PTPRD: variants seen among roughly 807,000 people sequenced by gnomAD.
The protein encoded by PTPRD is receptor-type tyrosine-protein phosphatase delta.
In PTPRD, 34 loss-of-function variants were observed where a neutral mutation model predicts 214.5. The observed-to-expected ratio is 0.16, with a 90% CI of 0.12 to 0.21. The LOEUF is 0.21. Among genes scored for constraint, PTPRD ranks in the 10% least tolerant of loss-of-function variants. PTPRD has a pLI of 1.00. For missense variants in PTPRD, 2,545 were observed against 2,398.7 expected (o/e 1.06, Z -1.27); for synonymous variants, 1,128 against 845.7 (o/e 1.33, Z -5.79).
At chr9:10,134,581 G>A (rs938117573) in intron 3 of PTPRD, among the ~76,000 whole-genome samples, 3 of 151,916 alleles carry the variant, frequency 2.0e-5, no homozygotes, top group Non-Finnish European at 4.4e-5. Context: ...ATCCAATGCA[G>A]GAATCTAACC....
chr9:10,329,847 A>G (rs2096717155), intron 3 of PTPRD, among the ~76,000 whole-genome samples: 1 of 151,830 alleles, frequency 6.6e-6, no homozygotes, highest in Non-Finnish European at 1.5e-5. Context: ...TTAAAATTGC[A>G]TAACCATTTT....
At chr9:9,707,927 C>T (rs1030694309) in intron 7 of PTPRD, among the ~76,000 whole-genome samples, 3 of 151,886 alleles carry the variant, frequency 2.0e-5, no homozygotes, top group Non-Finnish European at 4.4e-5. Context: ...TAACTTTTTA[C>T]TTCTCATAGA....
At chr9:9,572,815 G>A (rs183510935) in intron 8 of PTPRD, among the ~76,000 whole-genome samples, 2 of 151,364 alleles carry the variant, frequency 1.3e-5, no homozygotes, top group East Asian at 3.9e-4. Context: ...ATGTTTGATA[G>A]CATTAATATT....
intron 4 of PTPRD, among the ~76,000 whole-genome samples, chr9:9,981,500 G>A (rs1286237099): frequency 6.6e-6 from 1 of 151,412 alleles, no homozygotes; most frequent in African/African-American, 2.4e-5. Flanking sequence ...GACTACAGGT[G>A]CCCGCCACCA....
At chr9:8,672,865 T>C (rs1565170197) in intron 12 of PTPRD, among the ~76,000 whole-genome samples, 1 of 146,906 alleles carries the variant, frequency 6.8e-6, no homozygotes, top group Non-Finnish European at 1.5e-5. Flanking sequence ...TGGGTGGGTA[T>C]GTGGGGGTGT....
chr9:10,187,185 T>G (rs901902162), intron 3 of PTPRD, among the ~76,000 whole-genome samples: 2 of 151,864 alleles, frequency 1.3e-5, no homozygotes, highest in African/African-American at 4.8e-5. Flanking sequence ...AAATGCTGTG[T>G]TTTTTTTAAC....
chr9:9,617,254 A>G (rs2094928838), intron 7 of PTPRD, among the ~76,000 whole-genome samples: 1 of 152,218 alleles, frequency 6.6e-6, no homozygotes, highest in South Asian at 2.1e-4. Context: ...AAGGAGAATT[A>G]GACTCCTCGT....
intron 12 of PTPRD, among the ~76,000 whole-genome samples, chr9:8,688,896 C>G (rs1369021334): frequency 3.9e-5 from 6 of 152,182 alleles, no homozygotes; most frequent in African/African-American, 1.4e-4. Flanking sequence ...GACTTTATCA[C>G]TCTAAACATC....
At chr9:10,166,218 C>G (rs1302473928) in intron 3 of PTPRD, among the ~76,000 whole-genome samples, 1 of 144,190 alleles carries the variant, frequency 6.9e-6, no homozygotes, top group African/African-American at 2.6e-5. Flanking sequence ...TTAGAGATAC[C>G]TAGTAATAAA....
At chr9:9,688,394 T>C (rs1422693218) in intron 7 of PTPRD, among the ~76,000 whole-genome samples, 1 of 151,842 alleles carries the variant, frequency 6.6e-6, no homozygotes, top group East Asian at 1.9e-4. Context: ...AAGACAAGAA[T>C]AGAATTTCCT....
intron 2 of PTPRD, among the ~76,000 whole-genome samples, chr9:10,453,857 T>G (rs75171241): frequency 0.012 from 1,827 of 151,792 alleles, 33 homozygotes; most frequent in African/African-American, 0.039. Flanking sequence ...GTAAGAATGA[T>G]AACCCTTGTC....
Position 8,377,898 on chromosome 9 carries a change from G to A in PTPRD, c.4387-1172C>T, listed in dbSNP as rs372773343. ...TGTAATTTTCTCTTTCACAGAGATA[G>A]CATTTGCTCCTCTGAGAATTCAGGC... is the stretch of plus-strand genomic sequence containing the variant. On this transcript the variant is annotated intron_variant, in intron 37 of 45. Transcript: ENST00000381196. 9.2e-4 allele frequency among the ~76,000 whole-genome samples: 140 copies of A among 152,166 alleles called. 1 individual carries two copies. Among genetic ancestry groups the A allele is most frequent in the African/African-American group, 3.3e-3 (137 of 41,548 alleles).
intron 11 of PTPRD, among the ~76,000 whole-genome samples, chr9:8,846,680 A>C (rs1049984199): frequency 2.0e-5 from 3 of 152,188 alleles, no homozygotes; most frequent in Non-Finnish European, 2.9e-5. Context: ...AATGTGGTAC[A>C]TCTGGGAAAC....
intron 33 of PTPRD, among the ~76,000 whole-genome samples, chr9:8,454,220 AAAAC>A (rs1227017272): frequency 1.3e-5 from 2 of 152,200 alleles, no homozygotes; most frequent in African/African-American, 2.4e-5. Flanking sequence ...ATCTTTGGTA[AAAAC>A]AAACAAAACA....
At chr9:8,558,617 T>A (rs991202678) in intron 14 of PTPRD, among the ~76,000 whole-genome samples, 3 of 152,214 alleles carry the variant, frequency 2.0e-5, no homozygotes, top group Non-Finnish European at 4.4e-5. Flanking sequence ...GCAGGCCAGA[T>A]GAAGCCTAGA....
At chr9:8,345,885 C>T (rs1467724913) in intron 39 of PTPRD, among the ~76,000 whole-genome samples, 1 of 152,028 alleles carries the variant, frequency 6.6e-6, no homozygotes, top group Non-Finnish European at 1.5e-5. Flanking sequence ...GTATCAATTT[C>T]ACGGATTACA....
At chr9:9,486,282 G>A (rs7357721) in intron 8 of PTPRD, among the ~76,000 whole-genome samples, 29,039 of 145,610 alleles carry the variant, frequency 0.2, 2,872 homozygotes, top group African/African-American at 0.22. Flanking sequence ...TTACCTTTGC[G>A]TCTTCAAACA....
At chr9:8,542,170 G>T (rs2078621283) in intron 14 of PTPRD, among the ~76,000 whole-genome samples, 1 of 152,216 alleles carries the variant, frequency 6.6e-6, no homozygotes, top group Non-Finnish European at 1.5e-5. Flanking sequence ...TGAAAGGAAA[G>T]AAGGGTTTTG....
chr9:8,840,431 G>T (rs1445636524), intron 11 of PTPRD, among the ~76,000 whole-genome samples: 1 of 152,156 alleles, frequency 6.6e-6, no homozygotes, highest in Non-Finnish European at 1.5e-5. Flanking sequence ...TGATTGTGAG[G>T]CCTTCCCAAC....
Sources: gnomAD v4.1 joint callset for allele counts (sites outside exome capture counted in the v4.1 genomes callset) on GRCh38, gnomAD v4.1.1 for gene constraint, MANE v1.5 for transcripts, NCBI Gene and HGNC (gene_info 2026-07-23, HGNC 2026-07-21) for gene names.